The following MINAR2 variants were observed in gnomAD, a reference collection of about 807,000 sequenced individuals.
MINAR2 encodes membrane integral NOTCH2 associated receptor 2.
In MINAR2, 21 loss-of-function variants were observed where a neutral mutation model predicts 16.1. That is an observed-to-expected ratio of 1.31 (90% CI 0.93 to 1.88). MINAR2 has a LOEUF of 1.88. MINAR2 is among the 40% of genes most tolerant of loss of function. MINAR2 has a pLI of 0.00. For missense variants in MINAR2, 259 were observed against 229.8 expected (o/e 1.13, Z -0.82); for synonymous variants, 86 against 83.0 (o/e 1.04, Z -0.20).
chr5:129,762,531 C>A, intron 2 of MINAR2: 1 of 320,024 alleles, frequency 3.1e-6, no homozygotes. Flanking sequence ...ATTCTCCGTC[C>A]TAGGAAATTG....
intron 1 of MINAR2, among the ~76,000 whole-genome samples, chr5:129,754,688 A>G (rs1261839103): frequency 6.6e-6 from 1 of 152,150 alleles, no homozygotes; most frequent in African/African-American, 2.4e-5. Context: ...GTCATGTTTT[A>G]TAATAGAGCA....
At chr5:129,764,217 T>C (rs971741540) in intron 2 of MINAR2, among the ~76,000 whole-genome samples, 24 of 152,046 alleles carry the variant, frequency 1.6e-4, no homozygotes, top group African/African-American at 5.6e-4. Context: ...AAGAGAGACA[T>C]GGGGAATAAA....
At chr5:129,764,694 T>C (rs1758185248) in intron 2 of MINAR2, among the ~76,000 whole-genome samples, 190 bp from the exon 3 acceptor site, 1 of 152,078 alleles carries the variant, frequency 6.6e-6, no homozygotes, top group African/African-American at 2.4e-5. Context: ...CAGGAGACTG[T>C]AGCTGCAATT....
intron 1 of MINAR2, among the ~76,000 whole-genome samples, chr5:129,752,383 T>A (rs1020681585): frequency 6.6e-6 from 1 of 152,172 alleles, no homozygotes; most frequent in Non-Finnish European, 1.5e-5. Context: ...CATGGAATAC[T>A]ATGCAGCCAT....
At chr5:129,753,092 T>A (rs1037744874) in intron 1 of MINAR2, among the ~76,000 whole-genome samples, 1 of 152,014 alleles carries the variant, frequency 6.6e-6, no homozygotes, top group Admixed American at 6.6e-5. Context: ...TATCATGGGT[T>A]TTTTTTTGTG....
At chr5:129,748,673 G>T (rs916835197) in intron 1 of MINAR2, among the ~76,000 whole-genome samples, 1 of 151,966 alleles carries the variant, frequency 6.6e-6, no homozygotes, top group Non-Finnish European at 1.5e-5. Flanking sequence ...GCACAAATAA[G>T]ACTTTGGGGG....
rs1288449374 is a variant in MINAR2, at chr5:129,760,416, A to T, written c.204A>T (p.Gly68=). The change falls in exon 2 of 3, where the codon GGA becomes GGT. Residue 68 remains glycine (G), a synonymous_variant. Coordinates refer to ENST00000564719, the MANE Select transcript of MINAR2 (RefSeq NM_001257308.2). ...KKNIAAQRIR[G]SSADSLVTAD... is the part of the protein sequence containing the mutation. Reference sequence around the variant, plus strand: ...ATATTGCTGCTCAACGAATTAGGGGATCCAGTGCAGACAGCCTTGTCACTG... The same window carrying T: ...ATATTGCTGCTCAACGAATTAGGGGTTCCAGTGCAGACAGCCTTGTCACTG... The T allele has an allele frequency of 2.0e-6, 3 of 1,535,588 alleles. No individual in the cohort carries two copies. Among genetic ancestry groups the T allele is most frequent in the African/African-American group, 2.7e-5 (2 of 73,014 alleles).
intron 1 of MINAR2, among the ~76,000 whole-genome samples, chr5:129,752,066 G>A (rs556839384): frequency 1.3e-5 from 2 of 152,250 alleles, no homozygotes; most frequent in African/African-American, 4.8e-5. Context: ...AAAAAGTCAG[G>A]AAGCAACAGA....
rs1758117024 is a variant in MINAR2 at position 129,760,388 on chromosome 5, A to G, written c.176A>G (p.Lys59Arg). 2.6e-6 allele frequency: 4 copies of G among 1,535,424 alleles called. No individual in the cohort carries two copies. In the African/African-American group the frequency reaches 5.5e-5, roughly 21 times the overall value. ...QNLVYSQREK[K>R]NIAAQRIRGS... ...TTCTTTGCCTCTTAGAGGGAAAAGA[A>G]GAATATTGCTGCTCAACGAATTAGG... Residue 59 changes from lysine to arginine, a missense_variant, in exon 2 of 3, where the codon AAG becomes AGG. Coordinates refer to ENST00000564719, the MANE Select transcript of MINAR2 (RefSeq NM_001257308.2).
chr5:129,759,221 A>G (rs1423765009), intron 1 of MINAR2, among the ~76,000 whole-genome samples: 1 of 152,134 alleles, frequency 6.6e-6, no homozygotes, highest in Non-Finnish European at 1.5e-5. Flanking sequence ...TTCCTATTAA[A>G]TATTCTCTGG....
chr5:129,762,060 G>A (rs1378587814), intron 2 of MINAR2, among the ~76,000 whole-genome samples: 1 of 152,042 alleles, frequency 6.6e-6, no homozygotes, highest in Non-Finnish European at 1.5e-5. Flanking sequence ...AATACCTAAT[G>A]CATGCGGGAC....
intron 1 of MINAR2, among the ~76,000 whole-genome samples, chr5:129,753,830 AAGAG>A (rs973662575): frequency 6.6e-6 from 1 of 152,098 alleles, no homozygotes; most frequent in African/African-American, 2.4e-5. Flanking sequence ...GAAGAAGAAA[AAGAG>A]AAAGAAAGAA....
intron 1 of MINAR2, among the ~76,000 whole-genome samples, chr5:129,757,659 T>G (rs1304059209): frequency 6.6e-6 from 1 of 152,038 alleles, no homozygotes; most frequent in Non-Finnish European, 1.5e-5. Flanking sequence ...AAGCTGTACA[T>G]TCTTTCTCTG....
rs1385163068 is a variant in MINAR2 at position 129,748,119 on chromosome 5, A to G, written c.-72A>G. The G allele has an allele frequency of 7.2e-7, 1 of 1,388,456 alleles. No individual in the cohort carries two copies. The highest frequency in any genetic ancestry group is 9.7e-7 in the Non-Finnish European group (1 of 1,028,590). 86.0% of individuals were successfully genotyped at this position (1,388,456 alleles called of 1,614,324 possible). On this transcript the variant is annotated 5_prime_UTR_variant, in exon 1 of 3. Transcript: ENST00000564719. ...AGATGCAGTCAGAGCATCCTCAGGC[A>G]CATTAATAATGGAGGAGTCTGACAA...
At position 129,766,521 on chromosome 5, in the gene MINAR2, C is replaced by T. The variant is rs923092843; in HGVS notation, c.*1458C>T. ...GCTTGGTGGCAGACACCTGTAGTCT[C>T]AGCTACTTGGGAGGCTGAGGCAGGA... On this transcript the variant is annotated 3_prime_UTR_variant, in exon 3 of 3. Transcript: ENST00000564719. The T allele has an allele frequency of 2.0e-5, 3 of 151,518 alleles. No homozygotes were observed. The highest frequency in any genetic ancestry group is 7.3e-5 in the African/African-American group (3 of 41,154). The allele number at this position is 151,518 out of a possible 1,614,324, so 9.4% of individuals were successfully genotyped here. A position where few individuals can be genotyped will look rare whatever the true frequency, so the allele number is the denominator to read the frequency against.
At chr5:129,749,233 A>G (rs1311894951) in intron 1 of MINAR2, among the ~76,000 whole-genome samples, 1 of 152,212 alleles carries the variant, frequency 6.6e-6, no homozygotes, top group Non-Finnish European at 1.5e-5. Flanking sequence ...CCTGCAAGTC[A>G]TTAAATCCTT....
rs1758206190 is a variant in MINAR2 at position 129,765,903 on chromosome 5, C to A, written c.*840C>A. 1 of 152,208 alleles carries A rather than the reference C, an allele frequency of 6.6e-6. No individual in the cohort carries two copies. Among genetic ancestry groups the A allele is most frequent in the Non-Finnish European group, 1.5e-5 (1 of 68,056 alleles). The allele number at this position is 152,208 out of a possible 1,614,324, so 9.4% of individuals were successfully genotyped here. On this transcript the variant is annotated 3_prime_UTR_variant, in exon 3 of 3. Transcript: ENST00000564719. ...ACTGCTACTTGCTAACAGACTCTGGCAAGTTATTCTCTCAGAGAAGGAATG... is the reference window on the plus strand; with the variant it reads ...ACTGCTACTTGCTAACAGACTCTGGAAAGTTATTCTCTCAGAGAAGGAATG...
intron 1 of MINAR2, among the ~76,000 whole-genome samples, chr5:129,756,934 TAAA>T (rs34547893): frequency 1.7e-3 from 127 of 73,998 alleles, no homozygotes; most frequent in African/African-American, 5.9e-3. Flanking sequence ...CTTTCCACAG[TAAA>T]AAAAAAAAAA....
intron 2 of MINAR2, among the ~76,000 whole-genome samples, chr5:129,764,575 T>C (rs1420088603): frequency 6.6e-6 from 1 of 152,212 alleles, no homozygotes; most frequent in African/African-American, 2.4e-5. Context: ...GAAACACCGT[T>C]GTGTTTCTGA....
Sources: allele counts gnomAD v4.1 joint callset (sites outside exome capture counted in the v4.1 genomes callset), GRCh38; gene constraint gnomAD v4.1.1; transcripts MANE v1.5; gene names NCBI Gene and HGNC (gene_info 2026-07-23, HGNC 2026-07-21).